ULK1: variants seen among roughly 807,000 people sequenced by gnomAD.
ULK1 encodes unc-51 like autophagy activating kinase 1, also known as serine/threonine-protein kinase ULK1.
A neutral mutation model predicts 117.5 loss-of-function variants in ULK1; 48 were observed. The ratio of observed to expected loss-of-function variants is 0.41; its 90% CI spans 0.32 to 0.52. ULK1 has a LOEUF of 0.52. Ranked by LOEUF, ULK1 falls within the 20% of genes least tolerant of loss-of-function variation. ULK1 has a pLI of 0.29. For missense variants in ULK1, 1,387 were observed against 1,473.4 expected, an observed-to-expected ratio of 0.94 and a Z score of 0.96; for synonymous variants, 790 against 637.8, an observed-to-expected ratio of 1.24 and a Z score of -3.60.
rs1432252125 is a variant in ULK1, at chr12:131,916,199, G to A, written c.1878+40G>A. Reference sequence around the variant, plus strand: ...CATGTGTGCAGGGGCACAGAGCCCTGGGGAAGATGTGTGGGAATGGCCAGT... The same window carrying A: ...CATGTGTGCAGGGGCACAGAGCCCTAGGGAAGATGTGTGGGAATGGCCAGT... On this transcript the variant is annotated intron_variant, in intron 19 of 27. Coordinates refer to ENST00000321867, the MANE Select transcript of ULK1 (RefSeq NM_003565.4). 3.8e-6 allele frequency: 6 copies of A among 1,589,654 alleles called. No individual in the cohort carries two copies. In the South Asian group the frequency reaches 6.7e-5, roughly 18 times the overall value.
At chr12:131,909,014 T>G (rs377240298) in intron 7 of ULK1, 43 bp downstream of exon 7, 2 of 1,612,342 alleles carry the variant, frequency 1.2e-6, no homozygotes, top group Admixed American at 3.3e-5. Flanking sequence ...GGCGCCTCTC[T>G]GGGCTTGCTG....
At chr12:131,913,900 T>G in intron 15 of ULK1, 64 bp downstream of exon 15, 1 of 1,348,646 alleles carries the variant, frequency 7.4e-7, no homozygotes, top group Non-Finnish European at 9.7e-7. Flanking sequence ...AGGTTGGGCT[T>G]CCTGTGTGTC....
chr12:131,913,793 C>G lies in ULK1; in HGVS notation c.1204C>G (p.Pro402Ala). The G allele has an allele frequency of 6.3e-7, 1 of 1,579,850 alleles. No individual in the cohort carries two copies. Among genetic ancestry groups the G allele is most frequent in the Middle Eastern group, 1.7e-4 (1 of 5,920 alleles). The change falls in exon 15 of 28, where the codon CCA (proline) becomes GCA (alanine). Residue 402 changes from proline to alanine, a missense_variant. Pro to Ala is a conservative substitution (Grantham distance 27). Coordinates refer to ENST00000321867, the MANE Select transcript of ULK1 (RefSeq NM_003565.4). ...GGGCTTGGAGAGCCACGGCCGGACC[C>G]CATCTCCATCCCCACCCTGCAGCAG... ...SAGLESHGRT[P>A]SPSPPCSSSP... is the part of the protein sequence containing the mutation.
chr12:131,914,977 C>T, intron 16 of ULK1, 106 bp from the exon 17 acceptor site: 1 of 1,462,964 alleles, frequency 6.8e-7, no homozygotes, highest in Non-Finnish European at 9.1e-7. Context: ...TCCTGGGCTG[C>T]TGGGGCCTCC....
Position 131,908,670 on chromosome 12 carries a change from A to C in ULK1, c.343A>C (p.Ile115Leu). 6.4e-7 allele frequency: 1 copy of C among 1,572,022 alleles called. No homozygotes were observed. Among genetic ancestry groups the C allele is most frequent in the Non-Finnish European group, 8.6e-7 (1 of 1,163,774 alleles). Residue 115 changes from isoleucine (I) to leucine (L), a missense_variant, in exon 6 of 28, where the codon ATC (isoleucine) becomes CTC (leucine). Physicochemically the swap from Ile to Leu is conservative, Grantham distance 5 (BLOSUM62 2). Around this residue, in one of 4 missense-constraint regions of ULK1, gnomAD observed 224 missense variants for 325.2 expected, o/e 0.69. Coordinates refer to ENST00000321867, the MANE Select transcript of ULK1 (RefSeq NM_003565.4). ...HAMRTLSEDT[I>L]RLFLQQIAGA... is the part of the protein sequence containing the mutation. ...CATGCGCACGCTGAGCGAGGACACC[A>C]TCAGGCTCTTCCTGCAGCAGATCGC...
In ULK1 at chr12:131,920,120, G is replaced by A. The variant is rs766019562; in HGVS notation, c.2945G>A (p.Ser982Asn). ...HSITAERLIF[S>N]HAVQMVQSAA... ...ATCACTGCCGAGAGGCTCATCTTCA[G>A]CCACGCTGTGCAGATGGTACGGGAC... The change falls in exon 26 of 28, where the codon AGC (serine) becomes AAC (asparagine). Residue 982 changes from serine (S) to asparagine (N), a missense_variant. This residue lies in a region of ULK1 where 900 missense variants were observed against 858.9 expected (regional missense o/e 1.05). Transcript: ENST00000321867. The A allele has an allele frequency of 1.2e-6, 2 of 1,612,782 alleles. No homozygotes were observed. Among genetic ancestry groups the A allele is most frequent in the South Asian group, 2.2e-5 (2 of 91,074 alleles).
At position 131,903,995 on chromosome 12, in the gene ULK1, G is replaced by A. The variant is rs1261860587; in HGVS notation, c.247-2897G>A. The stretch of plus-strand genomic sequence containing the variant: ...GTGGGTTCCAGCACCCATGAGGCCA[G>A]TGTGGCTGGAGGGATGGCAGGGCCA... On this transcript the variant is annotated intron_variant, in intron 3 of 27. Coordinates refer to ENST00000321867, the MANE Select transcript of ULK1 (RefSeq NM_003565.4). The surrounding 1 kb of genome is among the most constrained non-coding windows in gnomAD (Gnocchi z 6.0). Among the ~76,000 whole-genome samples, 1 of 152,100 alleles carries A rather than the reference G, an allele frequency of 6.6e-6. No homozygotes were observed. Among genetic ancestry groups the A allele is most frequent in the African/African-American group, 2.4e-5 (1 of 41,418 alleles).
chr12:131,919,330 A>C lies in ULK1; in HGVS notation c.2630A>C (p.Gln877Pro), dbSNP rs1406676811. 6.4e-7 allele frequency: 1 copy of C among 1,566,508 alleles called. No homozygotes were observed. The highest frequency in any genetic ancestry group is 8.6e-7 in the Non-Finnish European group (1 of 1,158,008). Residue 877 changes from glutamine to proline, a missense_variant, in exon 24 of 28, where the codon CAG becomes CCG. Physicochemically the swap from Gln to Pro is moderately conservative, Grantham distance 76 (BLOSUM62 -1). Transcript: ENST00000321867. ...GAGGCGGCGGGGGGCCCTGAGTACC[A>C]GCTGCAGGAGAGTGTGGTGGCCGAC... Reference protein sequence around the residue: ...ASEAAGGPEYQLQESVVADQI... With the variant: ...ASEAAGGPEYPLQESVVADQI...
chr12:131,920,371 G>A (rs928534302), intron 26 of ULK1: 37 of 522,648 alleles, frequency 7.1e-5, no homozygotes, highest in South Asian at 2.2e-4. Flanking sequence ...GCCTCGCCCC[G>A]ACTCAGTTTC....
rs775132284 is a variant in ULK1 at position 131,921,168 on chromosome 12, C to T, written c.3030C>T (p.Ala1010=). Residue 1010 remains alanine (A), a synonymous_variant, in exon 27 of 28, where the codon GCC becomes GCT. Coordinates refer to ENST00000321867, the MANE Select transcript of ULK1 (RefSeq NM_003565.4). ...GCTGCGTCCCACGCTACCACAAGGC[C>T]CTGCTGCTCCTGGAGGGGCTGCAGC... The part of the protein sequence containing the change: ...REGCVPRYHK[A]LLLLEGLQHM... The T allele has an allele frequency of 3.1e-6, 5 of 1,605,502 alleles. No homozygotes were observed. The South Asian group carries it at 4.4e-5, about 14-fold the overall frequency.
chr12:131,915,631 G>A (rs1593271557), intron 18 of ULK1, among the ~76,000 whole-genome samples: 1 of 152,286 alleles, frequency 6.6e-6, no homozygotes, highest in South Asian at 2.1e-4. Context: ...CTGGCTGAGG[G>A]TCAGGTTTAA....
chr12:131,916,665 C>G, intron 20 of ULK1, 74 bp downstream of exon 20: 1 of 1,413,332 alleles, frequency 7.1e-7, no homozygotes, highest in Non-Finnish European at 9.3e-7. Flanking sequence ...CTGCTGGGTA[C>G]TTCTGGGGGG....
At chr12:131,897,668 G>C (rs1222549674) in intron 3 of ULK1, 4 of 152,054 alleles carry the variant, frequency 2.6e-5, no homozygotes, top group Admixed American at 2.6e-4. Context: ...GATCACACCT[G>C]TGACCCTAGC....
Position 131,917,328 on chromosome 12 carries a change from T to C in ULK1, c.2183-83T>C, listed in dbSNP as rs144656119. 1,597 of 574,086 alleles carry C rather than the reference T, an allele frequency of 2.8e-3. 205 individuals carry two copies. Among genetic ancestry groups the C allele is most frequent in the African/African-American group, 0.019 (267 of 13,988 alleles). 35.6% of individuals were successfully genotyped at this position (574,086 alleles called of 1,614,324 possible). ...TGGGGGGAGCTCGGAGGCCGTGGGA[T>C]GGGGGTCGGGTTCGGCTCGGAGGCT... On this transcript the variant is annotated intron_variant, in intron 21 of 27. Transcript: ENST00000321867.
chr12:131,895,314 G>GT (rs2136372986), intron 1 of ULK1, among the ~76,000 whole-genome samples: 1 of 107,064 alleles, frequency 9.3e-6, no homozygotes, highest in African/African-American at 3.6e-5. Flanking sequence ...CCCGAGATCC[G>GT]CTGCCGGGCT....
intron 21 of ULK1, 64 bp from the exon 22 acceptor site, chr12:131,917,347 G>A (rs374309911): frequency 4.8e-4 from 632 of 1,320,740 alleles, no homozygotes; most frequent in African/African-American, 1.5e-3. Flanking sequence ...GGTTCGGCTC[G>A]GAGGCTGTGG....
chr12:131,917,118 T>A lies in ULK1; in HGVS notation c.2182+56T>A, dbSNP rs7959661. On this transcript the variant is annotated intron_variant, in intron 21 of 27. Coordinates refer to ENST00000321867, the MANE Select transcript of ULK1 (RefSeq NM_003565.4). ...GGGATGGGGGTCGGAGGCTGTGGGA[T>A]GGGGGTCGGAGGCTGTGGGATGGGG... The A allele has an allele frequency of 3.0e-5, 8 of 268,248 alleles. 1 individual carries two copies. Among genetic ancestry groups the A allele is most frequent in the African/African-American group, 1.3e-4 (2 of 15,604 alleles). 16.6% of individuals were successfully genotyped at this position (268,248 alleles called of 1,614,324 possible).
rs749945299 is a variant in ULK1, at chr12:131,910,298, A to G, written c.853A>G (p.Arg285Gly). ...TTTCCTCGATGCCAGCCCCTCGGTC[A>G]GGAAATGTGAGTTTCTGTGGGTCCT... ...HPFLDASPSVRKSPPVPVPSY... is the reference protein window; with the variant it reads ...HPFLDASPSVGKSPPVPVPSY... Residue 285 changes from arginine (R) to glycine (G), a missense_variant, in exon 11 of 28, where the codon AGG (arginine) becomes GGG (glycine). Transcript: ENST00000321867. 2 of 1,613,760 alleles carry G rather than the reference A, an allele frequency of 1.2e-6. No homozygotes were observed. The highest frequency in any genetic ancestry group is 1.3e-5 in the African/African-American group (1 of 75,042).
intron 3 of ULK1, chr12:131,898,205 G>C (rs769183455): frequency 6.6e-6 from 1 of 152,214 alleles, no homozygotes; most frequent in African/African-American, 2.4e-5. Flanking sequence ...CCTGTTGCCC[G>C]AGATTCCATA....
Sources: allele counts gnomAD v4.1 joint callset (sites outside exome capture counted in the v4.1 genomes callset), GRCh38; gene constraint gnomAD v4.1.1; regional missense constraint gnomAD v4.1.1; non-coding constraint Gnocchi (gnomAD v3.1); transcripts MANE v1.5; gene names NCBI Gene and HGNC (gene_info 2026-07-23, HGNC 2026-07-21).